The following LSM12 variants were observed in gnomAD, a reference collection of about 807,000 sequenced individuals.
LSM12 encodes the protein LSM12 homolog.
For synonymous variants in LSM12, 74 were observed against 87.3 expected (o/e 0.85, Z 0.85); for missense variants, 108 against 238.9 (o/e 0.45, Z 3.61).
intron 2 of LSM12, among the ~76,000 whole-genome samples, chr17:44,053,195 G>A (rs755896463): frequency 3.3e-5 from 5 of 152,136 alleles, no homozygotes; most frequent in Non-Finnish European, 7.3e-5. Flanking sequence ...TTGGCAAACA[G>A]CCTCCTGTGG....
chr17:44,037,356 T>A lies in LSM12; in HGVS notation c.495+56A>T, dbSNP rs949096779. 12 of 1,520,872 alleles carry A rather than the reference T, an allele frequency of 7.9e-6. No homozygotes were observed. The African/African-American group carries it at 1.7e-4, about 21-fold the overall frequency. 94.2% of individuals were successfully genotyped at this position (1,520,872 alleles called of 1,614,324 possible). On this transcript the variant is annotated intron_variant, in intron 4 of 4. Coordinates refer to ENST00000293406, the MANE Select transcript of LSM12 (RefSeq NM_001371445.1). ...AATGTCCTGGTCTGGTGCTAAAGAC[T>A]GAAGGCCTGAGGAACCATCCTCTCT...
Position 44,045,304 on chromosome 17 carries a change from G to A in LSM12, c.259-5048C>T, listed in dbSNP as rs543660033. 2.5e-4 allele frequency among the ~76,000 whole-genome samples: 38 copies of A among 152,278 alleles called. 2 individuals are homozygous for A. In the South Asian group the frequency reaches 7.5e-3, roughly 30 times the overall value. On this transcript the variant is annotated intron_variant, in intron 2 of 4. Coordinates refer to ENST00000293406, the MANE Select transcript of LSM12 (RefSeq NM_001371445.1). The stretch of plus-strand genomic sequence containing the variant: ...GCCTCCCAAAGTGCTGGGATTACAA[G>A]CGTAAGCCACCATGCCTGGCCTTAA...
chr17:44,055,758 T>C (rs2049705600), intron 2 of LSM12, among the ~76,000 whole-genome samples: 1 of 146,370 alleles, frequency 6.8e-6, no homozygotes, highest in African/African-American at 2.5e-5. Flanking sequence ...TGTATATATA[T>C]AAATAAAAAG....
chr17:44,060,365 A>C (rs1293667493), intron 2 of LSM12, among the ~76,000 whole-genome samples: 2 of 152,172 alleles, frequency 1.3e-5, no homozygotes, highest in Admixed American at 6.6e-5. Context: ...TCATTCATGC[A>C]ACATGTTAAT....
At chr17:44,064,231 G>C (rs755758537) in intron 1 of LSM12, among the ~76,000 whole-genome samples, 4 of 149,954 alleles carry the variant, frequency 2.7e-5, no homozygotes, top group Non-Finnish European at 4.5e-5. Context: ...AAAAGAGCTA[G>C]ACCTTTCTGT....
chr17:44,062,628 T>C (rs2049813525), intron 2 of LSM12, among the ~76,000 whole-genome samples: 1 of 152,148 alleles, frequency 6.6e-6, no homozygotes, highest in South Asian at 2.1e-4. Flanking sequence ...GGCTGACACC[T>C]GTAATCCCAG....
chr17:44,057,528 G>C, intron 2 of LSM12, among the ~76,000 whole-genome samples: 1 of 151,304 alleles, frequency 6.6e-6, no homozygotes, highest in Non-Finnish European at 1.5e-5. Context: ...TTGGGAGGCG[G>C]AGGTGGGCGG....
Position 44,058,247 on chromosome 17 carries a change from T to A in LSM12, c.258+5554A>T, listed in dbSNP as rs112344770. ...GCAAGACTCCGTCTCAAAAAAAAAA[T>A]AATAAATAATAATAATAATAATAAT... On this transcript the variant is annotated intron_variant, in intron 2 of 4. Coordinates refer to ENST00000293406, the MANE Select transcript of LSM12 (RefSeq NM_001371445.1). Among the ~76,000 whole-genome samples, 154 of 150,092 alleles carry A rather than the reference T, an allele frequency of 1.0e-3. 1 individual carries two copies. The highest frequency in any genetic ancestry group is 1.7e-3 in the South Asian group (8 of 4,782).
chr17:44,039,353 C>A (rs75464856), intron 3 of LSM12, among the ~76,000 whole-genome samples: 18,901 of 147,272 alleles, frequency 0.13, 2,526 homozygotes, highest in East Asian at 0.73. Context: ...CCGTGCCCGA[C>A]CAACAAAATG....
chr17:44,046,492 G>A (rs958540331), intron 2 of LSM12, among the ~76,000 whole-genome samples: 13 of 150,806 alleles, frequency 8.6e-5, no homozygotes, highest in Non-Finnish European at 1.5e-4. Context: ...TGGATCACGG[G>A]GTCAGGAGAT....
At chr17:44,036,534 C>T (rs989105072) in intron 4 of LSM12, among the ~76,000 whole-genome samples, 2 of 152,146 alleles carry the variant, frequency 1.3e-5, no homozygotes, top group African/African-American at 4.8e-5. Flanking sequence ...GGTGAATCTA[C>T]AAACTAAACT....
At chr17:44,048,018 A>C (rs370756651) in intron 2 of LSM12, among the ~76,000 whole-genome samples, 53 of 137,492 alleles carry the variant, frequency 3.9e-4, no homozygotes, top group African/African-American at 1.4e-3. Context: ...GTCCGTATTA[A>C]ACACACACAC....
intron 2 of LSM12, among the ~76,000 whole-genome samples, chr17:44,046,527 GA>G (rs2049568063): frequency 6.7e-6 from 1 of 150,372 alleles, no homozygotes; most frequent in African/African-American, 2.4e-5. Flanking sequence ...CTAACACGGT[GA>G]AACCCCGTCT....
At chr17:44,059,660 A>G (rs1204870219) in intron 2 of LSM12, among the ~76,000 whole-genome samples, 1 of 152,224 alleles carries the variant, frequency 6.6e-6, no homozygotes, top group Non-Finnish European at 1.5e-5. Flanking sequence ...GTGAACTATC[A>G]TTCGAAAGCA....
chr17:44,064,004 T>A, intron 1 of LSM12, 70 bp from the exon 2 acceptor site: 2 of 1,544,716 alleles, frequency 1.3e-6, no homozygotes, highest in South Asian at 1.2e-5. Flanking sequence ...AAAAGGGGCA[T>A]AGAAAACACG....
chr17:44,063,578 A>C (rs2049828471), intron 2 of LSM12, among the ~76,000 whole-genome samples: 1 of 152,226 alleles, frequency 6.6e-6, no homozygotes, highest in Non-Finnish European at 1.5e-5. Context: ...AGGCAGAAGC[A>C]AGCTCTCAAC....
At chr17:44,049,657 GAAC>G (rs1377852688) in intron 2 of LSM12, among the ~76,000 whole-genome samples, 1 of 152,200 alleles carries the variant, frequency 6.6e-6, no homozygotes, top group East Asian at 1.9e-4. Context: ...GGAGCCAAAA[GAAC>G]AAAATCCAAG....
intron 2 of LSM12, among the ~76,000 whole-genome samples, chr17:44,045,746 A>AT (rs2049554314): frequency 6.6e-6 from 1 of 150,584 alleles, no homozygotes; most frequent in South Asian, 2.1e-4. Context: ...AAGGTGTTGT[A>AT]TTTTTTTGTA....
rs1228134376 is a variant in LSM12, at chr17:44,037,558, G to T, written c.369-20C>A. On this transcript the variant is annotated intron_variant, in intron 3 of 4. Coordinates refer to ENST00000293406, the MANE Select transcript of LSM12 (RefSeq NM_001371445.1). ...TTAATGCTGGAAGGAGAAGACAGCAGGCGAAATGTAACCTCTTGGGGGCAT... is the reference window on the plus strand; with the variant it reads ...TTAATGCTGGAAGGAGAAGACAGCATGCGAAATGTAACCTCTTGGGGGCAT... The T allele has an allele frequency of 3.3e-5, 52 of 1,596,670 alleles. No individual in the cohort carries two copies. The highest frequency in any genetic ancestry group is 4.3e-5 in the Non-Finnish European group (50 of 1,172,334).
Sources: gnomAD v4.1 joint callset for allele counts (sites outside exome capture counted in the v4.1 genomes callset) on GRCh38, gnomAD v4.1.1 for gene constraint, MANE v1.5 for transcripts, NCBI Gene and HGNC (gene_info 2026-07-23, HGNC 2026-07-21) for gene names.